The following GPD2 variants were observed in gnomAD, a reference collection of about 807,000 sequenced individuals.
GPD2 encodes glycerol-3-phosphate dehydrogenase 2, also known as glycerol-3-phosphate dehydrogenase, mitochondrial.
Under a neutral mutation model 82.4 loss-of-function variants are expected in GPD2, and 54 were observed. The observed-to-expected ratio is 0.66, with a 90% CI of 0.53 to 0.82. The LOEUF is 0.82. Among genes scored for constraint, GPD2 ranks in the 40% least tolerant of loss-of-function variants. GPD2 has a pLI of 0.00. For synonymous variants in GPD2, 288 were observed against 306.1 expected (o/e 0.94, Z 0.62); for missense variants, 748 against 896.2 (o/e 0.83, Z 2.11).
chr2:156,469,714 G>A (rs953118280), intron 1 of GPD2, among the ~76,000 whole-genome samples: 7 of 152,148 alleles, frequency 4.6e-5, no homozygotes, highest in Non-Finnish European at 1.0e-4. Flanking sequence ...TGTACTCTCC[G>A]CCCCTCCATT....
At chr2:156,433,206 A>G (rs1688337537), upstream of GPD2, among the ~76,000 whole-genome samples, 1 of 152,230 alleles carries the variant, frequency 6.6e-6, no homozygotes, top group Admixed American at 6.5e-5. Context: ...CAAAGGTGGT[A>G]ACAGCCCATT....
the GPD2 span, among the ~76,000 whole-genome samples, chr2:156,407,944 ATTTTTT>A: frequency 7.1e-5 from 4 of 56,432 alleles, no homozygotes; most frequent in Admixed American, 2.8e-4. Flanking sequence ...CCATGCTGTA[ATTTTTT>A]TTTTTTTTTT....
Position 156,582,889 on chromosome 2 carries a change from C to T in GPD2, c.2155C>T (p.Pro719Ser), listed in dbSNP as rs773643878. The change falls in exon 17 of 17, where the codon CCA (proline) becomes TCA (serine). Residue 719 changes from proline (P) to serine (S), a missense_variant. This residue lies in a region of GPD2 where 46 missense variants were observed against 49.1 expected (regional missense o/e 0.94). Coordinates refer to ENST00000438166, the MANE Select transcript of GPD2 (RefSeq NM_000408.5). ...GAACCTCGACAGAAGAGTTCCAATT[C>T]CAGTGGACCGTAGTTGTGGAGGATT... ...EENLDRRVPI[P>S]VDRSCGGL is the part of the protein sequence containing the mutation. 6.2e-7 allele frequency: 1 copy of T among 1,613,050 alleles called. No homozygotes were observed. Among genetic ancestry groups the T allele is most frequent in the Non-Finnish European group, 8.5e-7 (1 of 1,179,238 alleles).
At chr2:156,499,162 T>C (rs1684496377) in intron 3 of GPD2, among the ~76,000 whole-genome samples, 1 of 152,012 alleles carries the variant, frequency 6.6e-6, no homozygotes, top group African/African-American at 2.4e-5. Flanking sequence ...TACTTATGGG[T>C]GGGAGTAAGG....
At chr2:156,415,676 A>T in the GPD2 span, among the ~76,000 whole-genome samples, 1 of 151,896 alleles carries the variant, frequency 6.6e-6, no homozygotes, top group Admixed American at 6.6e-5. Context: ...ACCAACGTGG[A>T]AAAACCCCGT....
rs1048653083 is a variant in GPD2 at position 156,524,250 on chromosome 2, T to C, written c.661+10754T>C. 2.0e-5 allele frequency among the ~76,000 whole-genome samples: 3 copies of C among 152,118 alleles called. No homozygotes were observed. The South Asian group carries it at 6.2e-4, about 32-fold the overall frequency. On this transcript the variant is annotated intron_variant, in intron 6 of 16. Coordinates refer to ENST00000438166, the MANE Select transcript of GPD2 (RefSeq NM_000408.5). The stretch of plus-strand genomic sequence containing the variant: ...ATGGTTTTATGTAACAGTTTCCCTT[T>C]GATGTAAATTGGTAGACTTGTCTCA...
At chr2:156,549,264 T>TA (rs1219233060) in intron 6 of GPD2, among the ~76,000 whole-genome samples, 1 of 152,230 alleles carries the variant, frequency 6.6e-6, no homozygotes, top group Non-Finnish European at 1.5e-5. Context: ...CTTTCATGCT[T>TA]ACGATTTGTC....
At chr2:156,517,902 T>C (rs971652218) in intron 6 of GPD2, among the ~76,000 whole-genome samples, 1 of 152,212 alleles carries the variant, frequency 6.6e-6, no homozygotes, top group African/African-American at 2.4e-5. Context: ...TAAGCCATTA[T>C]AAAATGAAAC....
At position 156,512,263 on chromosome 2, in the gene GPD2, T is replaced by C; in HGVS notation, c.443T>C (p.Leu148Pro). ...KEALHERANLLEIAPHLSAPL... is the reference protein window; with the variant it reads ...KEALHERANLPEIAPHLSAPL... The stretch of plus-strand genomic sequence containing the variant: ...GCCCTTCATGAGCGTGCCAACCTGC[T>C]AGAAATTGCTCCCCATTTATCAGCT... Residue 148 changes from leucine to proline, a missense_variant, in exon 5 of 17, where the codon CTA becomes CCA. Coordinates refer to ENST00000438166, the MANE Select transcript of GPD2 (RefSeq NM_000408.5). 6.2e-7 allele frequency: 1 copy of C among 1,606,946 alleles called. No homozygotes were observed. Among genetic ancestry groups the C allele is most frequent in the Non-Finnish European group, 8.5e-7 (1 of 1,173,466 alleles).
At chr2:156,567,754 C>A (rs1213460011) in intron 9 of GPD2, among the ~76,000 whole-genome samples, 1 of 152,096 alleles carries the variant, frequency 6.6e-6, no homozygotes, top group Non-Finnish European at 1.5e-5. Context: ...GCCCTAGGGT[C>A]TTGCCCTTGT....
chr2:156,529,423 G>A (rs1685753104), intron 6 of GPD2, among the ~76,000 whole-genome samples: 1 of 136,760 alleles, frequency 7.3e-6, no homozygotes, highest in Admixed American at 7.4e-5. Context: ...CTTTTGCTGT[G>A]CAGAAGCTCT....
At position 156,571,194 on chromosome 2, in the gene GPD2, C is replaced by T. The variant is rs1238540065; in HGVS notation, c.1669C>T (p.Arg557Cys). 11 of 1,609,934 alleles carry T rather than the reference C, an allele frequency of 6.8e-6. No homozygotes were observed. Among genetic ancestry groups the T allele is most frequent in the Admixed American group, 5.0e-5 (3 of 60,002 alleles). ...TGTGGATATGATTTCACGTCGTACT[C>T]GCCTGGCCTTTCTAAATGTCCAGGC... is the stretch of plus-strand genomic sequence containing the variant. ...TAVDMISRRT[R>C]LAFLNVQAAE... The change falls in exon 13 of 17, where the codon CGC (arginine) becomes TGC (cysteine). Residue 557 changes from arginine to cysteine, a missense_variant. By Grantham distance (180) the Arg-to-Cys change is radical. This residue lies in a region of GPD2 where 692 missense variants were observed against 809.7 expected (regional missense o/e 0.85). Coordinates refer to ENST00000438166, the MANE Select transcript of GPD2 (RefSeq NM_000408.5).
Position 156,586,076 on chromosome 2 carries a change from A to G in GPD2, c.*3158A>G, listed in dbSNP as rs1688206505. ...AGCTGCATGCATTTATAGAGCAATA[A>G]GAGGATGTATTTAATGTGCCTTGTT... On this transcript the variant is annotated 3_prime_UTR_variant, in exon 17 of 17. Coordinates refer to ENST00000438166, the MANE Select transcript of GPD2 (RefSeq NM_000408.5). The G allele has an allele frequency of 6.6e-6, 1 of 152,472 alleles. No homozygotes were observed. Among genetic ancestry groups the G allele is most frequent in the Non-Finnish European group, 1.5e-5 (1 of 67,966 alleles). The allele number at this position is 152,472 out of a possible 1,614,324, so 9.4% of individuals were successfully genotyped here. A position where few individuals can be genotyped will look rare whatever the true frequency, so the allele number is the denominator to read the frequency against.
At chr2:156,541,925 T>A (rs558842287) in intron 6 of GPD2, among the ~76,000 whole-genome samples, 1 of 146,814 alleles carries the variant, frequency 6.8e-6, no homozygotes, top group African/African-American at 2.5e-5. Flanking sequence ...TGGAACATTT[T>A]TGTACAGAAA....
rs568100014 is a variant in GPD2 at position 156,523,168 on chromosome 2, T to C, written c.661+9672T>C. ...CATTCTGTCGGCTCTGATAAATATA[T>C]AATGATATGTATCCACCACTGCCAT... is the stretch of plus-strand genomic sequence containing the variant. On this transcript the variant is annotated intron_variant, in intron 6 of 16. Transcript: ENST00000438166. 1.0e-3 allele frequency among the ~76,000 whole-genome samples: 154 copies of C among 152,278 alleles called. 1 individual carries two copies. Among genetic ancestry groups the C allele is most frequent in the African/African-American group, 3.7e-3 (152 of 41,548 alleles).
chr2:156,487,882 A>C (rs1041267821), intron 2 of GPD2, among the ~76,000 whole-genome samples: 1 of 152,240 alleles, frequency 6.6e-6, no homozygotes, highest in African/African-American at 2.4e-5. Flanking sequence ...TTTGAAGTAC[A>C]TATATTCAGA....
the GPD2 span, among the ~76,000 whole-genome samples, chr2:156,424,520 G>A: frequency 6.6e-6 from 1 of 152,148 alleles, no homozygotes; most frequent in Non-Finnish European, 1.5e-5. Flanking sequence ...CAGGAAAAGA[G>A]AGAAAGGAAG....
At chr2:156,574,811 T>G (rs1294599401) in intron 13 of GPD2, among the ~76,000 whole-genome samples, 1 of 152,106 alleles carries the variant, frequency 6.6e-6, no homozygotes, top group East Asian at 1.9e-4. Context: ...GGGCACCAAA[T>G]GTAATGTTTA....
At position 156,579,795 on chromosome 2, in the gene GPD2, T is replaced by G. The variant is rs763664813; in HGVS notation, c.2058+7T>G. The G allele has an allele frequency of 7.5e-7, 1 of 1,338,870 alleles. No homozygotes were observed. Among genetic ancestry groups the G allele is most frequent in the Non-Finnish European group, 1.1e-6 (1 of 928,420 alleles). 82.9% of individuals were successfully genotyped at this position (1,338,870 alleles called of 1,614,324 possible). On this transcript the variant is annotated splice_region_variant and intron_variant, in intron 16 of 16. Coordinates refer to ENST00000438166, the MANE Select transcript of GPD2 (RefSeq NM_000408.5). ...ACTCAATGAATTTTTGCAGGTGAGTTGTGGTGAAAGGAAACAAGGATATTT... is the reference window on the plus strand; with the variant it reads ...ACTCAATGAATTTTTGCAGGTGAGTGGTGGTGAAAGGAAACAAGGATATTT...
Sources: allele counts gnomAD v4.1 joint callset (sites outside exome capture counted in the v4.1 genomes callset), GRCh38; gene constraint gnomAD v4.1.1; regional missense constraint gnomAD v4.1.1; transcripts MANE v1.5; gene names NCBI Gene and HGNC (gene_info 2026-07-23, HGNC 2026-07-21).